Variants in ABCA13 observed in about 807,000 individuals in gnomAD.
ABCA13 encodes ATP-binding cassette sub-family A member 13.
Under a neutral mutation model 478.7 loss-of-function variants are expected in ABCA13, and 476 were observed. The observed-to-expected ratio is 0.99, with a 90% CI of 0.92 to 1.07. The LOEUF is 1.07. ABCA13 is among the 50% of genes least tolerant of loss of function. The pLI is 0.00. For synonymous variants in ABCA13, 2,252 were observed against 2,158.9 expected, an observed-to-expected ratio of 1.04 and a Z score of -1.20; for missense variants, 6,060 against 5,910.6, an observed-to-expected ratio of 1.03 and a Z score of -0.83.
At chr7:48,524,491 C>A in intron 54 of ABCA13, 51 bp downstream of exon 54, 2 of 1,470,766 alleles carry the variant, frequency 1.4e-6, no homozygotes, top group South Asian at 1.3e-5. Context: ...CTGTACAACT[C>A]TAGTAGCTGA....
intron 3 of ABCA13, among the ~76,000 whole-genome samples, chr7:48,211,918 GTGGAGGGTTGATGTAAGCACTC>G (rs1432100226): frequency 6.6e-6 from 1 of 151,684 alleles, no homozygotes; most frequent in East Asian, 2.0e-4. Flanking sequence ...CCTGGAGTTG[GTGGAGGGTTGATGTAAGCACTC>G]TAATGGCTAC....
At chr7:48,451,317 G>T (rs1242365625) in intron 42 of ABCA13, among the ~76,000 whole-genome samples, 9 of 151,798 alleles carry the variant, frequency 5.9e-5, no homozygotes, top group Non-Finnish European at 8.8e-5. Flanking sequence ...TAAATCACCT[G>T]GTTTATGTAT....
chr7:48,398,347 G>T (rs115999348), intron 38 of ABCA13, among the ~76,000 whole-genome samples: 163 of 152,198 alleles, frequency 1.1e-3, no homozygotes, highest in African/African-American at 3.8e-3. Flanking sequence ...GATTATCAGC[G>T]CACAGAGTGT....
Position 48,272,557 on chromosome 7 carries a change from T to C in ABCA13, c.2891T>C (p.Ile964Thr), listed in dbSNP as rs1289425174. The C allele has an allele frequency of 1.2e-6, 2 of 1,613,792 alleles. No individual in the cohort carries two copies. The highest frequency in any genetic ancestry group is 8.5e-7 in the Non-Finnish European group (1 of 1,179,748). The stretch of plus-strand genomic sequence containing the variant: ...AAGGATTCAGCTTTACTTCTGCAAA[T>C]TTATTCTTCATTTTACCGATATATT... ...QDKDSALLLQ[I>T]YSSFYRYIYE... Residue 964 changes from isoleucine to threonine, a missense_variant, in exon 17 of 62, where the codon ATT becomes ACT. Coordinates refer to ENST00000435803, the MANE Select transcript of ABCA13 (RefSeq NM_152701.5).
intron 59 of ABCA13, among the ~76,000 whole-genome samples, chr7:48,630,155 T>C (rs1794047694): frequency 6.6e-6 from 1 of 152,158 alleles, no homozygotes; most frequent in Non-Finnish European, 1.5e-5. Context: ...AAAATGTCTT[T>C]TATTAATTTT....
intron 3 of ABCA13, among the ~76,000 whole-genome samples, chr7:48,201,227 C>T (rs1158717903): frequency 1.3e-5 from 2 of 152,204 alleles, no homozygotes. Flanking sequence ...AAAGGCGTGT[C>T]TAAACTACTT....
intron 51 of ABCA13, among the ~76,000 whole-genome samples, chr7:48,516,099 C>A (rs532994941): frequency 4.1e-4 from 62 of 152,288 alleles, no homozygotes; most frequent in Admixed American, 3.9e-4. Flanking sequence ...AAGTTCATTT[C>A]TGTTCACCAA....
chr7:48,288,582 G>C (rs1798083557), intron 20 of ABCA13, among the ~76,000 whole-genome samples: 1 of 152,152 alleles, frequency 6.6e-6, no homozygotes, highest in South Asian at 2.1e-4. Context: ...GTGGCAGCAT[G>C]AACTGGGCCA....
At chr7:48,490,756 T>C (rs574851624) in intron 48 of ABCA13, among the ~76,000 whole-genome samples, 1 of 152,350 alleles carries the variant, frequency 6.6e-6, no homozygotes, top group East Asian at 1.9e-4. Context: ...CAAATGCTGC[T>C]TGGCTTTGAC....
At chr7:48,197,648 TGTGAAGGGAGG>T (rs1280434205) in intron 2 of ABCA13, among the ~76,000 whole-genome samples, 1,903 of 152,130 alleles carry the variant, frequency 0.013, 18 homozygotes, top group Admixed American at 0.02. Context: ...CTCCTGATGG[TGTGAAGGGAGG>T]ATATGGTTGG....
At chr7:48,378,542 C>T (rs572808591) in intron 35 of ABCA13, among the ~76,000 whole-genome samples, 1 of 152,256 alleles carries the variant, frequency 6.6e-6, no homozygotes, top group East Asian at 1.9e-4. Context: ...TCATCTCCTC[C>T]TGTCCTTCCA....
Position 48,520,038 on chromosome 7 carries a change from C to T in ABCA13, c.13798-3C>T. The T allele has an allele frequency of 6.2e-7, 1 of 1,600,444 alleles. No individual in the cohort carries two copies. Among genetic ancestry groups the T allele is most frequent in the Non-Finnish European group, 8.5e-7 (1 of 1,172,190 alleles). On this transcript the variant is annotated splice_polypyrimidine_tract_variant and splice_region_variant and intron_variant, in intron 52 of 61. Coordinates refer to ENST00000435803, the MANE Select transcript of ABCA13 (RefSeq NM_152701.5). ...GATTTTTTTTCTTTTTTTCACTGTG[C>T]AGAATTTACAGAATATCTATGATGT...
In ABCA13 at chr7:48,341,944, C is replaced by CAT. The variant is rs1305277321; in HGVS notation, c.10204+3499_10204+3500dup. On this transcript the variant is annotated intron_variant, in intron 29 of 61. Coordinates refer to ENST00000435803, the MANE Select transcript of ABCA13 (RefSeq NM_152701.5). ...ATATATATACTCATATATATATATT[C>CAT]ATATATATATACTCATCACTAGACA... Among the ~76,000 whole-genome samples the CAT allele has an allele frequency of 3.0e-5, 4 of 134,754 alleles. No homozygotes were observed. In the South Asian group the frequency reaches 9.4e-4, roughly 32 times the overall value. The allele number at this position is 134,754 out of a possible 152,430, so 88.4% of individuals were successfully genotyped here. A position where few individuals can be genotyped will look rare whatever the true frequency, so the allele number is the denominator to read the frequency against.
chr7:48,361,608 AT>A (rs1235363378), intron 31 of ABCA13, among the ~76,000 whole-genome samples: 1 of 151,378 alleles, frequency 6.6e-6, no homozygotes, highest in Non-Finnish European at 1.5e-5. Flanking sequence ...TTAATTCATT[AT>A]TTTTAGTTTT....
At position 48,296,905 on chromosome 7, in the gene ABCA13, A is replaced by T. The variant is rs542298330; in HGVS notation, c.9120-327A>T. 5.3e-5 allele frequency among the ~76,000 whole-genome samples: 8 copies of T among 152,368 alleles called. No individual in the cohort carries two copies. The East Asian group carries it at 1.5e-3, about 29-fold the overall frequency. Reference sequence around the variant, plus strand: ...GAATGATGTTCATCTGACCCTGGCTATCCTAATTTCTCGTACGTTCCATGA... The same window carrying T: ...GAATGATGTTCATCTGACCCTGGCTTTCCTAATTTCTCGTACGTTCCATGA... On this transcript the variant is annotated intron_variant, in intron 21 of 61. Coordinates refer to ENST00000435803, the MANE Select transcript of ABCA13 (RefSeq NM_152701.5).
intron 35 of ABCA13, among the ~76,000 whole-genome samples, chr7:48,379,952 C>T (rs1383329649): frequency 6.6e-6 from 1 of 152,124 alleles, no homozygotes; most frequent in Non-Finnish European, 1.5e-5. Context: ...CTCCATTCAG[C>T]CTCCAGTCTT....
At chr7:48,532,841 GTAA>G (rs1354779914) in intron 55 of ABCA13, among the ~76,000 whole-genome samples, 19 of 152,076 alleles carry the variant, frequency 1.2e-4, no homozygotes, top group African/African-American at 4.3e-4. Flanking sequence ...TGTAGTATCA[GTAA>G]TAATATCTCT....
chr7:48,635,817 A>G (rs1227492410), intron 59 of ABCA13, among the ~76,000 whole-genome samples: 1 of 152,142 alleles, frequency 6.6e-6, no homozygotes, highest in Admixed American at 6.5e-5. Flanking sequence ...TACTGTTCTT[A>G]CTCAGTTTTA....
intron 3 of ABCA13, 76 bp downstream of exon 3, chr7:48,198,436 G>A: frequency 1.9e-6 from 3 of 1,539,502 alleles, no homozygotes; most frequent in Non-Finnish European, 2.6e-6. Context: ...TTTTTGTAAA[G>A]CCTCAATAAT....
Sources: allele counts gnomAD v4.1 joint callset (sites outside exome capture counted in the v4.1 genomes callset), GRCh38; gene constraint gnomAD v4.1.1; transcripts MANE v1.5; gene names NCBI Gene and HGNC (gene_info 2026-07-23, HGNC 2026-07-21).